Variants in STARD5 observed in about 807,000 individuals in gnomAD.
STARD5 encodes stAR-related lipid transfer protein 5.
In STARD5, 26 loss-of-function variants were observed where a neutral mutation model predicts 24.6. That is an observed-to-expected ratio of 1.06 (90% confidence interval 0.77 to 1.47). The LOEUF (loss-of-function observed/expected upper bound fraction) is 1.47. Among genes scored for constraint, STARD5 ranks in the 40% most tolerant of loss-of-function variants. STARD5 has a pLI of 0.00. For synonymous variants in STARD5, 101 were observed against 99.7 expected (o/e 1.01, Z -0.07); for missense variants, 254 against 270.8 (o/e 0.94, Z 0.44).
At chr15:81,313,816 T>G (rs1900995953) in intron 5 of STARD5, 1 of 153,974 alleles carries the variant, frequency 6.5e-6, no homozygotes, top group South Asian at 2.1e-4. Flanking sequence ...TCTACAAAGT[T>G]AACACTATTT....
Position 81,313,344 on chromosome 15 carries a change from G to A in STARD5, c.554C>T (p.Pro185Leu), listed in dbSNP as rs868767083. ...FFHTDLSGYL[P>L]QNVVDSFFPR... ...GAAGAAGGAGTCCACCACGTTCTGT[G>A]GGAGGTAACCGCTGAGGTCGGTATG... is the stretch of plus-strand genomic sequence containing the variant. Residue 185 changes from proline to leucine, a missense_variant, in exon 6 of 6, where the codon CCA becomes CTA. Transcript: ENST00000302824. 9 of 1,582,090 alleles carry A rather than the reference G, an allele frequency of 5.7e-6. No homozygotes were observed. In the South Asian group the frequency reaches 1.1e-4, roughly 19 times the overall value.
intron 1 of STARD5, chr15:81,323,473 G>C: frequency 2.4e-6 from 1 of 413,936 alleles, no homozygotes; most frequent in Non-Finnish European, 4.5e-6. Context: ...GGTTCATGCT[G>C]TAATGAAAAG....
In STARD5 at chr15:81,313,214, C is replaced by T. The variant is rs188866926; in HGVS notation, c.*42G>A. 9.5e-6 allele frequency: 14 copies of T among 1,480,452 alleles called. No homozygotes were observed. Among genetic ancestry groups the T allele is most frequent in the Admixed American group, 9.1e-5 (4 of 43,876 alleles). The allele number at this position is 1,480,452 out of a possible 1,614,324, so 91.7% of individuals were successfully genotyped here. On this transcript the variant is annotated 3_prime_UTR_variant, in exon 6 of 6. Transcript: ENST00000302824. The stretch of plus-strand genomic sequence containing the variant: ...TGGTGTCCCAACAGCTGGAGCTCCT[C>T]GATGAGTCACGGGAGTTCTTTGCCA...
Position 81,313,149 on chromosome 15 carries a change from C to G in STARD5, c.*107G>C. On this transcript the variant is annotated 3_prime_UTR_variant, in exon 6 of 6. Transcript: ENST00000302824. ...AGATGCGCAGTCCATCAGCTTGTTC[C>G]AAAGAGTGAACACAGGCCTCTGCGT... The G allele has an allele frequency of 7.5e-7, 1 of 1,325,224 alleles. No individual in the cohort carries two copies. The highest frequency in any genetic ancestry group is 1.0e-6 in the Non-Finnish European group (1 of 999,670). The allele number at this position is 1,325,224 out of a possible 1,614,324, so 82.1% of individuals were successfully genotyped here.
intron 5 of STARD5, among the ~76,000 whole-genome samples, chr15:81,315,034 T>A (rs185388248): frequency 3.0e-4 from 45 of 152,126 alleles, no homozygotes; most frequent in African/African-American, 1.1e-3. Flanking sequence ...CTCCTCTGCT[T>A]GTGCCCTGCT....
At position 81,322,563 on chromosome 15, in the gene STARD5, A is replaced by T. The variant is rs779706965; in HGVS notation, c.150-23T>A. ...TACCTGGAGCACGAAAAGGAATTTG[A>T]CCCCAACGCATCAATCAAACTTGTT... On this transcript the variant is annotated intron_variant, in intron 2 of 5. Coordinates refer to ENST00000302824, the MANE Select transcript of STARD5 (RefSeq NM_181900.3). 1.5e-5 allele frequency: 25 copies of T among 1,613,928 alleles called. No individual in the cohort carries two copies. The Admixed American group carries it at 4.0e-4, about 26-fold the overall frequency.
intron 3 of STARD5, 74 bp from the exon 4 acceptor site, chr15:81,319,530 A>G: frequency 7.4e-7 from 1 of 1,345,922 alleles, no homozygotes. Flanking sequence ...CCATCCCTCA[A>G]GGTCTGGGAA....
rs1391353446 is a variant in STARD5 at position 81,312,621 on chromosome 15, TAA to T, written c.*633_*634del. The T allele has an allele frequency of 1.3e-5, 2 of 152,328 alleles. No homozygotes were observed. The highest frequency in any genetic ancestry group is 1.3e-4 in the Admixed American group (2 of 15,306). The allele number at this position is 152,328 out of a possible 1,614,324, so 9.4% of individuals were successfully genotyped here. On this transcript the variant is annotated 3_prime_UTR_variant, in exon 6 of 6. Transcript: ENST00000302824. ...GACATGAAACTCCACCTTGCGGGGA[TAA>T]AGAGAGAAAAACAAATTCATCAAAT...
chr15:81,309,133 G>A lies in STARD5; in HGVS notation c.*4123C>T, dbSNP rs1382804102. On this transcript the variant is annotated 3_prime_UTR_variant, in exon 6 of 6. Coordinates refer to ENST00000302824, the MANE Select transcript of STARD5 (RefSeq NM_181900.3). ...GGCTTCGCAAAATGTTTCAAGTACTGTAACTGTGTCATGATTCACCCCCAA... is the reference window on the plus strand; with the variant it reads ...GGCTTCGCAAAATGTTTCAAGTACTATAACTGTGTCATGATTCACCCCCAA... The A allele has an allele frequency of 2.1e-5, 5 of 236,830 alleles. No homozygotes were observed. The highest frequency in any genetic ancestry group is 4.1e-5 in the Non-Finnish European group (5 of 122,634). 14.7% of individuals were successfully genotyped at this position (236,830 alleles called of 1,614,324 possible).
At chr15:81,315,132 A>C (rs2141672726) in intron 5 of STARD5, among the ~76,000 whole-genome samples, 1 of 151,750 alleles carries the variant, frequency 6.6e-6, no homozygotes. Flanking sequence ...TCCCTCACCC[A>C]CCAACCCCTG....
chr15:81,323,023 C>T, intron 1 of STARD5, 75 bp from the exon 2 acceptor site: 4 of 1,532,334 alleles, frequency 2.6e-6, no homozygotes, highest in Non-Finnish European at 3.6e-6. Context: ...CCCTGTTCTA[C>T]AGAAGAGGGG....
intron 2 of STARD5, 37 bp from the exon 3 acceptor site, chr15:81,322,577 A>G (rs779223386): frequency 2.5e-6 from 4 of 1,613,564 alleles, no homozygotes; most frequent in Non-Finnish European, 2.5e-6. Flanking sequence ...CAACGCATCA[A>G]TCAAACTTGT....
intron 5 of STARD5, among the ~76,000 whole-genome samples, chr15:81,314,394 G>A (rs115227198): frequency 1.4e-4 from 22 of 152,258 alleles, no homozygotes; most frequent in South Asian, 1.2e-3. Context: ...GACAGGAAGC[G>A]ATCTTCACTG....
At chr15:81,316,772 C>G (rs1901091045) in intron 5 of STARD5, among the ~76,000 whole-genome samples, 1 of 152,144 alleles carries the variant, frequency 6.6e-6, no homozygotes, top group South Asian at 2.1e-4. Context: ...ACACAGCAGG[C>G]TCTGGAAGAA....
intron 3 of STARD5, among the ~76,000 whole-genome samples, chr15:81,321,371 G>T (rs12595144): frequency 6.6e-6 from 1 of 152,048 alleles, no homozygotes; most frequent in Non-Finnish European, 1.5e-5. Flanking sequence ...CAGCACTTTG[G>T]GGGGTCGAGG....
At chr15:81,319,266 A>G in intron 4 of STARD5, 73 bp downstream of exon 4, 2 of 1,327,188 alleles carry the variant, frequency 1.5e-6, no homozygotes, top group East Asian at 2.3e-5. Context: ...GCTTTCCTTA[A>G]GGAACTGTGG....
In STARD5 at chr15:81,324,110, G is replaced by A. The variant is rs762227037; in HGVS notation, c.-11C>T. On this transcript the variant is annotated 5_prime_UTR_variant, in exon 1 of 6. Coordinates refer to ENST00000302824, the MANE Select transcript of STARD5 (RefSeq NM_181900.3). ...CAGCGCCGGGTCCATTGCGTCGGGAGCTGCGCTTAGCTGCGGGGTCGCGGG... is the reference window on the plus strand; with the variant it reads ...CAGCGCCGGGTCCATTGCGTCGGGAACTGCGCTTAGCTGCGGGGTCGCGGG... The A allele has an allele frequency of 2.9e-6, 4 of 1,367,900 alleles. No homozygotes were observed. In the Admixed American group the frequency reaches 9.1e-5, roughly 31 times the overall value. The allele number at this position is 1,367,900 out of a possible 1,614,324, so 84.7% of individuals were successfully genotyped here.
chr15:81,320,782 T>G (rs1170141432), intron 3 of STARD5, among the ~76,000 whole-genome samples: 1 of 152,174 alleles, frequency 6.6e-6, no homozygotes, highest in Non-Finnish European at 1.5e-5. Flanking sequence ...CCCTGATGAC[T>G]GCCTCCAAGT....
intron 5 of STARD5, 126 bp from the exon 6 acceptor site, chr15:81,313,529 T>C (rs771267582): frequency 2.6e-5 from 24 of 907,986 alleles, no homozygotes; most frequent in Non-Finnish European, 3.7e-5. Context: ...TCTCATCCCT[T>C]GCTGTGCCCT....
Sources: gnomAD v4.1 joint callset for allele counts (sites outside exome capture counted in the v4.1 genomes callset) on GRCh38, gnomAD v4.1.1 for gene constraint, MANE v1.5 for transcripts, NCBI Gene and HGNC (gene_info 2026-07-23, HGNC 2026-07-21) for gene names.